Variants in APIP observed in about 807,000 individuals in gnomAD.
The protein encoded by APIP is APAF1 interacting protein.
In APIP, 32 loss-of-function variants were observed where a neutral mutation model predicts 32.0. The observed-to-expected ratio is 1.00, with a 90% CI of 0.76 to 1.34. The LOEUF is 1.34. Ranked by LOEUF, APIP falls within the 40% of genes most tolerant of loss-of-function variation. The probability of loss-of-function intolerance (pLI) is 0.00; values close to 1 mark genes in which losing one functional copy is unlikely to be tolerated. For synonymous variants in APIP, 92 were observed against 94.8 expected, an observed-to-expected ratio of 0.97 and a Z score of 0.17; for missense variants, 247 against 298.6, an observed-to-expected ratio of 0.83 and a Z score of 1.27.
intron 1 of APIP, chr11:34,896,768 A>G (rs1390046684): frequency 1.6e-6 from 2 of 1,281,502 alleles, no homozygotes; most frequent in Admixed American, 4.6e-5. Flanking sequence ...TACCTGGGAG[A>G]GAAGTGAGCG....
intron 5 of APIP, among the ~76,000 whole-genome samples, 200 bp from the exon 6 acceptor site, chr11:34,883,704 C>T (rs1032097669): frequency 1.3e-5 from 2 of 152,090 alleles, no homozygotes; most frequent in African/African-American, 4.8e-5. Flanking sequence ...GGGAATGTGG[C>T]AGGCTTGGTC....
In APIP at chr11:34,883,442, T is replaced by C. The variant is rs750168492; in HGVS notation, c.524A>G (p.Asp175Gly). The C allele has an allele frequency of 1.2e-6, 2 of 1,614,092 alleles. No individual in the cohort carries two copies. The highest frequency in any genetic ancestry group is 1.7e-6 in the Non-Finnish European group (2 of 1,179,968). The stretch of plus-strand genomic sequence containing the variant: ...TTCATTCATTGCATGAGCCATTCTA[T>C]CTTTGAGGTCTTTCTCCTCAGGTGT... ...ENTPEEKDLK[D>G]RMAHAMNEYP... Residue 175 changes from aspartate (D) to glycine (G), a missense_variant, in exon 6 of 7, where the codon GAT (aspartate) becomes GGT (glycine). Coordinates refer to ENST00000395787, the MANE Select transcript of APIP (RefSeq NM_015957.4).
chr11:34,896,662 G>T, intron 1 of APIP: 1 of 698,754 alleles, frequency 1.4e-6, no homozygotes, highest in Non-Finnish European at 2.2e-6. Flanking sequence ...CATGGCACGT[G>T]TATACCTAAG....
At chr11:34,913,891 C>T (rs564038420) in intron 1 of APIP, among the ~76,000 whole-genome samples, 6 of 152,276 alleles carry the variant, frequency 3.9e-5, no homozygotes, top group South Asian at 4.2e-4. Context: ...AGAAGCCCAG[C>T]GGCTTTACCT....
chr11:34,901,488 G>T (rs1481708679), intron 1 of APIP, among the ~76,000 whole-genome samples: 1 of 152,134 alleles, frequency 6.6e-6, no homozygotes, highest in South Asian at 2.1e-4. Flanking sequence ...AGGAAGGAAG[G>T]TAGATCTCCT....
intron 1 of APIP, among the ~76,000 whole-genome samples, chr11:34,905,646 A>G (rs534738076): frequency 6.6e-6 from 1 of 152,316 alleles, no homozygotes; most frequent in South Asian, 2.1e-4. Flanking sequence ...TCAAATATTT[A>G]GGGAGGAGAG....
intron 1 of APIP, among the ~76,000 whole-genome samples, chr11:34,906,790 C>CG (rs1853466885): frequency 6.6e-6 from 1 of 152,198 alleles, no homozygotes; most frequent in Non-Finnish European, 1.5e-5. Context: ...GCTTCAGCCC[C>CG]GGGTGGCTAC....
chr11:34,889,368 GA>G (rs1161100710), intron 3 of APIP, among the ~76,000 whole-genome samples: 2 of 151,930 alleles, frequency 1.3e-5, no homozygotes, highest in Non-Finnish European at 2.9e-5. Context: ...GCAAAATTTT[GA>G]GTAATTTTTC....
chr11:34,896,635 G>A (rs1590707408), intron 1 of APIP: 2 of 449,626 alleles, frequency 4.4e-6, no homozygotes. Context: ...GATGAGTTGA[G>A]GGGTGCAGCA....
chr11:34,897,054 G>A (rs545394388), intron 1 of APIP, among the ~76,000 whole-genome samples: 1 of 152,250 alleles, frequency 6.6e-6, no homozygotes, highest in African/African-American at 2.4e-5. Context: ...AAACATCTTT[G>A]AGTTCAAAAA....
intron 3 of APIP, among the ~76,000 whole-genome samples, chr11:34,889,943 C>A (rs894020355): frequency 6.6e-6 from 1 of 152,002 alleles, no homozygotes; most frequent in African/African-American, 2.4e-5. Context: ...CTTTTATCTG[C>A]CAGGATTTAT....
At chr11:34,883,228 T>C (rs749540515) in intron 6 of APIP, 109 bp downstream of exon 6, 19 of 1,185,990 alleles carry the variant, frequency 1.6e-5, no homozygotes, top group East Asian at 7.4e-5. Flanking sequence ...AAATAAAGTA[T>C]CTACAAATAA....
Position 34,888,880 on chromosome 11 carries a change from A to AG in APIP, c.208-12dup, listed in dbSNP as rs747765205. On this transcript the variant is annotated splice_polypyrimidine_tract_variant and intron_variant, in intron 3 of 6. Coordinates refer to ENST00000395787, the MANE Select transcript of APIP (RefSeq NM_015957.4). ...AAACATGTCTTCAGGCTATTTATAG[A>AG]GGGGAAAAAAAGAAAAAAAGAAGGC... The AG allele has an allele frequency of 2.8e-6, 4 of 1,431,370 alleles. No homozygotes were observed. In the Admixed American group the frequency reaches 1.1e-4, roughly 41 times the overall value. The allele number at this position is 1,431,370 out of a possible 1,614,324, so 88.7% of individuals were successfully genotyped here.
At chr11:34,913,509 A>T (rs559721262) in intron 1 of APIP, among the ~76,000 whole-genome samples, 1 of 151,990 alleles carries the variant, frequency 6.6e-6, no homozygotes, top group Non-Finnish European at 1.5e-5. Context: ...GGTGGCACGC[A>T]GGTTGTTCGT....
At chr11:34,899,106 T>A (rs1221241531) in intron 1 of APIP, among the ~76,000 whole-genome samples, 1 of 152,040 alleles carries the variant, frequency 6.6e-6, no homozygotes, top group African/African-American at 2.4e-5. Flanking sequence ...CCTGACCTAG[T>A]GATCCACCTG....
At chr11:34,912,406 T>TTA (rs1168711563) in intron 1 of APIP, among the ~76,000 whole-genome samples, 2 of 152,174 alleles carry the variant, frequency 1.3e-5, no homozygotes, top group African/African-American at 2.4e-5. Flanking sequence ...TTCCAAATCT[T>TTA]TATCTCCAAT....
chr11:34,904,579 T>C (rs188665030), intron 1 of APIP, among the ~76,000 whole-genome samples: 1 of 152,346 alleles, frequency 6.6e-6, no homozygotes, highest in East Asian at 1.9e-4. Context: ...TAGTTAAGCA[T>C]GTAACCTCTC....
At chr11:34,885,194 C>A (rs541169078) in intron 5 of APIP, among the ~76,000 whole-genome samples, 2 of 145,194 alleles carry the variant, frequency 1.4e-5, no homozygotes, top group African/African-American at 2.5e-5. Context: ...ATATATATAC[C>A]TATATAACTA....
intron 1 of APIP, among the ~76,000 whole-genome samples, chr11:34,913,506 C>T (rs746438618): frequency 5.3e-5 from 8 of 151,546 alleles, no homozygotes; most frequent in Non-Finnish European, 1.0e-4. Context: ...AAAGGTGGCA[C>T]GCAGGTTGTT....
Sources: gnomAD v4.1 joint callset for allele counts (sites outside exome capture counted in the v4.1 genomes callset) on GRCh38, gnomAD v4.1.1 for gene constraint, MANE v1.5 for transcripts, NCBI Gene and HGNC (gene_info 2026-07-23, HGNC 2026-07-21) for gene names.